Variants in GRIP2 observed in about 807,000 individuals in gnomAD.
GRIP2 encodes glutamate receptor-interacting protein 2.
In GRIP2, 58 loss-of-function variants were observed where a neutral mutation model predicts 108.3. The observed-to-expected ratio is 0.54, with a 90% confidence interval of 0.43 to 0.67. The LOEUF (loss-of-function observed/expected upper bound fraction) is 0.67. Among genes scored for constraint, GRIP2 ranks in the 30% least tolerant of loss-of-function variants. GRIP2 has a pLI of 0.00. For missense variants in GRIP2, 1,278 were observed against 1,430.6 expected, an observed-to-expected ratio of 0.89 and a Z score of 1.72; for synonymous variants, 586 against 598.2, an observed-to-expected ratio of 0.98 and a Z score of 0.30.
chr3:14,523,931 G>C (rs777506224), intron 4 of GRIP2: 3 of 553,188 alleles, frequency 5.4e-6, no homozygotes, highest in Non-Finnish European at 6.5e-6. Flanking sequence ...TCACAGAGAC[G>C]ACGGCAGAAC....
At chr3:14,540,357 C>T (rs759074156), upstream of GRIP2, 1 of 1,612,012 alleles carries the variant, frequency 6.2e-7, no homozygotes, top group African/African-American at 1.3e-5. This position sits in a 1 kb window ranked among gnomAD's most constrained non-coding sequence, Gnocchi z 4.1. Flanking sequence ...GGGAGCCACG[C>T]TGCTTGGCCC....
At chr3:14,496,747 C>T (rs1693616858) in intron 21 of GRIP2, among the ~76,000 whole-genome samples, 187 bp from the exon 22 acceptor site, 1 of 152,272 alleles carries the variant, frequency 6.6e-6, no homozygotes, top group Non-Finnish European at 1.5e-5. Flanking sequence ...ATCACACTAA[C>T]AATGAGAACA....
At chr3:14,602,140 C>T in the GRIP2 span, 57 of 152,374 alleles carry the variant, frequency 3.7e-4, no homozygotes, top group African/African-American at 1.3e-3. The surrounding 1 kb of genome is among the most constrained non-coding windows in gnomAD (Gnocchi z 4.7). Context: ...CACCCTGCCC[C>T]CGACTCCCAG....
intron 11 of GRIP2, 140 bp from the exon 12 acceptor site, chr3:14,514,618 G>C (rs1559339592): frequency 5.1e-6 from 4 of 784,976 alleles, no homozygotes; most frequent in South Asian, 3.9e-5. Flanking sequence ...GGACCAGACA[G>C]ATCACAGCTC....
chr3:14,490,627 C>T lies in GRIP2; in HGVS notation c.*3038G>A, dbSNP rs1011747583. 2.0e-5 allele frequency: 3 copies of T among 152,352 alleles called. No individual in the cohort carries two copies. The highest frequency in any genetic ancestry group is 1.3e-4 in the Admixed American group (2 of 15,294). The allele number at this position is 152,352 out of a possible 1,614,324, so 9.4% of individuals were successfully genotyped here. A position where few individuals can be genotyped will look rare whatever the true frequency, so the allele number is the denominator to read the frequency against. ...CTGCGCAGAGAATCAAATTTGCTCCCCCTACCCAAGCCTTCACGACTGATT... is the reference window on the plus strand; with the variant it reads ...CTGCGCAGAGAATCAAATTTGCTCCTCCTACCCAAGCCTTCACGACTGATT... On this transcript the variant is annotated 3_prime_UTR_variant, in exon 24 of 24. Coordinates refer to ENST00000621039, the MANE Select transcript of GRIP2 (RefSeq NM_001080423.4).
At chr3:14,538,041 A>G (rs1694874335) in intron 1 of GRIP2, among the ~76,000 whole-genome samples, 1 of 152,176 alleles carries the variant, frequency 6.6e-6, no homozygotes, top group South Asian at 2.1e-4. Context: ...ACAGGAAAGC[A>G]AGACTCCCTG....
chr3:14,531,140 C>G (rs1242203806), intron 1 of GRIP2: 1 of 152,102 alleles, frequency 6.6e-6, no homozygotes. Context: ...GCCATACATT[C>G]TTTTGGATTT....
At chr3:14,524,208 C>T (rs1197250129) in intron 4 of GRIP2, 185 bp downstream of exon 4, 1 of 630,404 alleles carries the variant, frequency 1.6e-6, no homozygotes, top group East Asian at 2.8e-5. Flanking sequence ...CCCACCACCT[C>T]CTGGTGACAG....
the GRIP2 span, among the ~76,000 whole-genome samples, chr3:14,590,857 C>T: frequency 0.026 from 3,952 of 152,230 alleles, 135 homozygotes; most frequent in East Asian, 0.081. Flanking sequence ...CAGGGTTGCC[C>T]GATCTTCCAA....
intron 17 of GRIP2, among the ~76,000 whole-genome samples, chr3:14,509,417 G>A (rs1694020956): frequency 6.6e-6 from 1 of 152,258 alleles, no homozygotes. Context: ...GGGCAGCAGG[G>A]ACAGTCCCCC....
At chr3:14,510,919 A>G (rs983418300) in intron 16 of GRIP2, among the ~76,000 whole-genome samples, 1 of 152,180 alleles carries the variant, frequency 6.6e-6, no homozygotes, top group African/African-American at 2.4e-5. Context: ...TTGGTGCTAG[A>G]TGTGGAGACT....
chr3:14,550,777 C>A (rs1385081476), intron 1 of GRIP2, among the ~76,000 whole-genome samples: 3 of 152,210 alleles, frequency 2.0e-5, no homozygotes, highest in African/African-American at 7.2e-5. Context: ...CCCAAACAAA[C>A]CTTCCTCAAC....
At chr3:14,527,070 C>T (rs1694575577) in intron 1 of GRIP2, among the ~76,000 whole-genome samples, 1 of 152,042 alleles carries the variant, frequency 6.6e-6, no homozygotes, top group African/African-American at 2.4e-5. Context: ...GCCTATAGTC[C>T]CAGCTACTCA....
At chr3:14,542,527 G>C (rs895721949), upstream of GRIP2, among the ~76,000 whole-genome samples, 4 of 150,160 alleles carry the variant, frequency 2.7e-5, no homozygotes, top group Non-Finnish European at 6.0e-5. Context: ...GCATTTAAAT[G>C]AGTGATTAAG....
chr3:14,565,574 G>A, the GRIP2 span, among the ~76,000 whole-genome samples: 26,244 of 152,122 alleles, frequency 0.17, 2,441 homozygotes, highest in Middle Eastern at 0.29. Context: ...CCCAAGTCCC[G>A]AAGGCCCGGA....
chr3:14,509,704 C>G, intron 17 of GRIP2, 116 bp downstream of exon 17: 1 of 1,086,538 alleles, frequency 9.2e-7, no homozygotes, highest in African/African-American at 1.6e-5. Context: ...CCAATGTCAC[C>G]CACAGTGTCA....
intron 1 of GRIP2, among the ~76,000 whole-genome samples, chr3:14,538,654 G>T (rs1487110180): frequency 6.6e-6 from 1 of 152,234 alleles, no homozygotes; most frequent in African/African-American, 2.4e-5. Context: ...ACCTGGGGAG[G>T]AGACCTAGGG....
intron 11 of GRIP2, among the ~76,000 whole-genome samples, chr3:14,515,616 G>C (rs534200173): frequency 3.3e-5 from 5 of 151,704 alleles, no homozygotes; most frequent in Non-Finnish European, 7.4e-5. Context: ...ATGTTTTTAG[G>C]TATATTGTGT....
chr3:14,521,625 T>G lies in GRIP2; in HGVS notation c.712+17A>C, dbSNP rs747892922. On this transcript the variant is annotated intron_variant, in intron 7 of 23. Coordinates refer to ENST00000621039, the MANE Select transcript of GRIP2 (RefSeq NM_001080423.4). This position sits in a 1 kb window ranked among gnomAD's most constrained non-coding sequence, Gnocchi z 5.1. ...CCTCCTCCTGCCCCAACCCACACAC[T>G]CAGGCCCCCAACTCACCAGGGGTGG... 6.3e-7 allele frequency: 1 copy of G among 1,591,672 alleles called. No individual in the cohort carries two copies. The highest frequency in any genetic ancestry group is 8.6e-7 in the Non-Finnish European group (1 of 1,167,046).
Sources: allele counts gnomAD v4.1 joint callset (sites outside exome capture counted in the v4.1 genomes callset), GRCh38; gene constraint gnomAD v4.1.1; non-coding constraint Gnocchi (gnomAD v3.1); transcripts MANE v1.5; gene names NCBI Gene and HGNC (gene_info 2026-07-23, HGNC 2026-07-21).